The following CCDC148 variants were observed in gnomAD, a reference collection of about 807,000 sequenced individuals.
The protein encoded by CCDC148 is coiled-coil domain containing 148.
A neutral mutation model predicts 85.7 loss-of-function variants in CCDC148; 89 were observed. That is an observed-to-expected ratio of 1.04 (90% confidence interval 0.87 to 1.24). The LOEUF is 1.24. Ranked by LOEUF, CCDC148 falls within the 50% of genes most tolerant of loss-of-function variation. The pLI is 0.00. For missense variants in CCDC148, 692 were observed against 671.7 expected (o/e 1.03, Z -0.33); for synonymous variants, 230 against 213.9 (o/e 1.08, Z -0.66).
At chr2:158,318,445 C>G in intron 7 of CCDC148, among the ~76,000 whole-genome samples, 1 of 152,092 alleles carries the variant, frequency 6.6e-6, no homozygotes, top group East Asian at 1.9e-4. Context: ...AATTCCAAAG[C>G]CTCATTCTTC....
intron 11 of CCDC148, among the ~76,000 whole-genome samples, chr2:158,195,454 G>T (rs963851989): frequency 1.3e-5 from 2 of 151,972 alleles, no homozygotes; most frequent in Non-Finnish European, 2.9e-5. Flanking sequence ...AAGTAATTTT[G>T]TTTGTTCTTG....
intron 11 of CCDC148, among the ~76,000 whole-genome samples, chr2:158,194,889 T>C (rs1464305419): frequency 6.6e-6 from 1 of 151,998 alleles, no homozygotes; most frequent in African/African-American, 2.4e-5. Context: ...CCATCCCCCA[T>C]CTGCTCATCC....
chr2:158,434,776 C>A (rs908553750), intron 1 of CCDC148, among the ~76,000 whole-genome samples: 3 of 152,112 alleles, frequency 2.0e-5, no homozygotes, highest in African/African-American at 7.2e-5. Context: ...GCAGAGAGGA[C>A]CTTAAATGAC....
chr2:158,327,008 A>G (rs912030768), intron 7 of CCDC148, among the ~76,000 whole-genome samples: 4 of 152,286 alleles, frequency 2.6e-5, no homozygotes, highest in Non-Finnish European at 5.9e-5. Flanking sequence ...ACAATTTTTA[A>G]TCTGCAAAAT....
intron 1 of CCDC148, among the ~76,000 whole-genome samples, chr2:158,446,804 T>A (rs1303862774): frequency 6.6e-6 from 1 of 152,194 alleles, no homozygotes; most frequent in Non-Finnish European, 1.5e-5. Context: ...TAATCACTGA[T>A]CTGTCTTCTA....
At chr2:158,231,124 A>G (rs1329704375) in intron 10 of CCDC148, among the ~76,000 whole-genome samples, 1 of 152,138 alleles carries the variant, frequency 6.6e-6, no homozygotes, top group African/African-American at 2.4e-5. Flanking sequence ...GGAGACCTAA[A>G]TTAAGGAGAT....
At chr2:158,298,898 C>A (rs1426172928) in intron 9 of CCDC148, among the ~76,000 whole-genome samples, 1 of 151,988 alleles carries the variant, frequency 6.6e-6, no homozygotes, top group Non-Finnish European at 1.5e-5. Flanking sequence ...TTTCCTGTTT[C>A]TTTGAGTATT....
chr2:158,244,921 TA>T (rs1278440449), intron 10 of CCDC148, among the ~76,000 whole-genome samples: 1 of 152,190 alleles, frequency 6.6e-6, no homozygotes, highest in African/African-American at 2.4e-5. Context: ...GGGAATTTTT[TA>T]AAAAATCATT....
At chr2:158,236,078 A>AT (rs1688093053) in intron 10 of CCDC148, 1 of 152,246 alleles carries the variant, frequency 6.6e-6, no homozygotes, top group African/African-American at 2.4e-5. Flanking sequence ...GGGAGAAGAT[A>AT]TCCAGCACTA....
chr2:158,447,161 T>G (rs1446779961), intron 1 of CCDC148: 1 of 152,208 alleles, frequency 6.6e-6, no homozygotes, highest in Non-Finnish European at 1.5e-5. Context: ...CTTATTCTTT[T>G]TTAAAGAGAA....
chr2:158,229,397 A>C (rs979961665), intron 10 of CCDC148, among the ~76,000 whole-genome samples: 9 of 152,214 alleles, frequency 5.9e-5, no homozygotes, highest in African/African-American at 2.2e-4. Context: ...TCTAAAACAT[A>C]GCATGTACTT....
intron 10 of CCDC148, among the ~76,000 whole-genome samples, chr2:158,225,585 T>C (rs192567846): frequency 0.024 from 3,608 of 152,142 alleles, 123 homozygotes; most frequent in African/African-American, 0.077. Context: ...TGTAAAAGAA[T>C]AGAAATTATA....
At chr2:158,436,700 GA>G (rs1415241705) in intron 1 of CCDC148, among the ~76,000 whole-genome samples, 2 of 152,070 alleles carry the variant, frequency 1.3e-5, no homozygotes, top group Admixed American at 1.3e-4. Context: ...CTAGTTTGTT[GA>G]AAAGACCAAC....
rs1432455814 is a variant in CCDC148 at position 158,178,893 on chromosome 2, C to T, written c.1474G>A (p.Ala492Thr). Residue 492 changes from alanine to threonine, a missense_variant, in exon 12 of 14, where the codon GCC becomes ACC. Coordinates refer to ENST00000283233, the MANE Select transcript of CCDC148 (RefSeq NM_138803.4). ...EDKERARRLEALRKQVAVVAQ... is the reference protein window; with the variant it reads ...EDKERARRLETLRKQVAVVAQ... ...ATGAAAAACACCTGTTTCCTAAGGG[C>T]TTCTAGCCGCCGTGCTCTCTCTTTG... 6.2e-7 allele frequency: 1 copy of T among 1,613,038 alleles called. No individual in the cohort carries two copies. The highest frequency in any genetic ancestry group is 8.5e-7 in the Non-Finnish European group (1 of 1,179,370).
At chr2:158,387,294 A>ATATCTATATCTATATCTG (rs767622699) in intron 1 of CCDC148, among the ~76,000 whole-genome samples, 3 of 4,174 alleles carry the variant, frequency 7.2e-4, no homozygotes, top group African/African-American at 1.1e-3. Flanking sequence ...ATCATTATCT[A>ATATCTATATCTATATCTG]TATCTATATC....
chr2:158,283,581 A>G (rs1690452171), intron 9 of CCDC148, among the ~76,000 whole-genome samples: 1 of 152,254 alleles, frequency 6.6e-6, no homozygotes, highest in South Asian at 2.1e-4. Context: ...ATGAGATACT[A>G]TCTCACAACA....
chr2:158,283,887 C>T (rs1370381850), intron 9 of CCDC148, among the ~76,000 whole-genome samples: 1 of 151,926 alleles, frequency 6.6e-6, no homozygotes, highest in African/African-American at 2.4e-5. Flanking sequence ...AAATGTCCAA[C>T]AATGATAGAC....
chr2:158,331,579 C>T (rs898413472), intron 7 of CCDC148, among the ~76,000 whole-genome samples: 3 of 149,218 alleles, frequency 2.0e-5, no homozygotes, highest in African/African-American at 7.7e-5. Flanking sequence ...TTTCTGTCTC[C>T]TTGATCTGTC....
intron 10 of CCDC148, among the ~76,000 whole-genome samples, chr2:158,229,102 C>T (rs762456460): frequency 1.3e-4 from 20 of 152,110 alleles, no homozygotes; most frequent in South Asian, 6.2e-4. Context: ...GTCTGACTGC[C>T]CTTCCAACCT....
Sources: allele counts gnomAD v4.1 joint callset (sites outside exome capture counted in the v4.1 genomes callset), GRCh38; gene constraint gnomAD v4.1.1; transcripts MANE v1.5; gene names NCBI Gene and HGNC (gene_info 2026-07-23, HGNC 2026-07-21).